The following DAPK2 variants were observed in gnomAD, a reference collection of about 807,000 sequenced individuals.
DAPK2 encodes the protein death-associated protein kinase 2.
Under a neutral mutation model 44.1 loss-of-function variants are expected in DAPK2, and 35 were observed. The ratio of observed to expected loss-of-function variants is 0.79; its 90% CI spans 0.61 to 1.05. The LOEUF is 1.05. Among genes scored for constraint, DAPK2 ranks in the 50% least tolerant of loss-of-function variants. DAPK2 has a pLI of 0.00. For missense variants in DAPK2, 453 were observed against 483.2 expected (o/e 0.94, Z 0.59); for synonymous variants, 174 against 182.6 (o/e 0.95, Z 0.38).
In DAPK2 at chr15:64,040,165, C is replaced by T; in HGVS notation, c.92+5G>A. ...CATCCCCCCACCTCTCACACAGTCT[C>T]CTACCTCCCCAGCTCCTCTCCGATG... On this transcript the variant is annotated splice_donor_5th_base_variant and intron_variant, in intron 1 of 10. Transcript: ENST00000261891. 1.2e-6 allele frequency: 2 copies of T among 1,612,886 alleles called. No individual in the cohort carries two copies. The highest frequency in any genetic ancestry group is 1.7e-6 in the Non-Finnish European group (2 of 1,178,946).
At chr15:63,995,999 T>A (rs1237834266) in intron 1 of DAPK2, among the ~76,000 whole-genome samples, 1 of 152,240 alleles carries the variant, frequency 6.6e-6, no homozygotes, top group East Asian at 1.9e-4. Flanking sequence ...ATGTCATCTA[T>A]CTTATTTCCT....
At chr15:63,947,929 G>T (rs900355962) in intron 3 of DAPK2, among the ~76,000 whole-genome samples, 1 of 152,010 alleles carries the variant, frequency 6.6e-6, no homozygotes, top group Non-Finnish European at 1.5e-5. Flanking sequence ...CTCTGTGAGT[G>T]AGTCTTGCCT....
intron 3 of DAPK2, among the ~76,000 whole-genome samples, chr15:63,952,378 A>G (rs966486505): frequency 6.6e-6 from 1 of 152,244 alleles, no homozygotes; most frequent in Non-Finnish European, 1.5e-5. Context: ...TTGAGTGATT[A>G]GCAGGAAATC....
chr15:63,927,391 C>A (rs991909464), intron 6 of DAPK2, among the ~76,000 whole-genome samples: 2 of 152,228 alleles, frequency 1.3e-5, no homozygotes, highest in South Asian at 4.1e-4. Flanking sequence ...CCCTCCTCCA[C>A]CCACAGAATT....
intron 3 of DAPK2, among the ~76,000 whole-genome samples, chr15:63,969,465 G>A (rs537908207): frequency 5.4e-4 from 82 of 151,794 alleles, no homozygotes; most frequent in African/African-American, 1.8e-3. Context: ...ATGGCCAGAC[G>A]CAGTGGCTCA....
chr15:63,969,847 G>A (rs964051211), intron 3 of DAPK2, among the ~76,000 whole-genome samples: 1 of 152,140 alleles, frequency 6.6e-6, no homozygotes, highest in Non-Finnish European at 1.5e-5. Context: ...CTGGGGTAGG[G>A]ACTCATATGG....
chr15:63,960,557 T>C (rs2077867410), intron 3 of DAPK2, among the ~76,000 whole-genome samples: 1 of 152,270 alleles, frequency 6.6e-6, no homozygotes, highest in Non-Finnish European at 1.5e-5. Context: ...TGTGTCTTTG[T>C]TCTCATTGGT....
rs1406249490 is a variant in DAPK2 at position 63,923,020 on chromosome 15, C to A, written c.858+1796G>T. 1.3e-6 allele frequency: 2 copies of A among 1,535,758 alleles called. No homozygotes were observed. Among genetic ancestry groups the A allele is most frequent in the Admixed American group, 2.0e-5 (1 of 50,970 alleles). ...GCAGCAGCTTCTTCAATGACTCCAC[C>A]TTGCGGAACTCATACCTGAGCTGGG... On this transcript the variant is annotated intron_variant, in intron 8 of 10. Transcript: ENST00000261891. The surrounding 1 kb of genome is among the most constrained non-coding windows in gnomAD (Gnocchi z 4.2).
rs1313020174 is a variant in DAPK2, at chr15:63,990,496, G to A, written c.93-6742C>T. Among the ~76,000 whole-genome samples, 1 of 152,056 alleles carries A rather than the reference G, an allele frequency of 6.6e-6. No individual in the cohort carries two copies. The highest frequency in any genetic ancestry group is 2.4e-5 in the African/African-American group (1 of 41,390). On this transcript the variant is annotated intron_variant, in intron 1 of 10. Coordinates refer to ENST00000261891, the Ensembl canonical transcript of DAPK2. The surrounding 1 kb of genome is among the most constrained non-coding windows in gnomAD (Gnocchi z 4.3). The stretch of plus-strand genomic sequence containing the variant: ...ATTCCCTCTCTTAGTCGACTCTAAA[G>A]TGTCCAAAGATTGAGTGATGTACCC...
chr15:63,994,119 C>T (rs537406300), intron 1 of DAPK2, among the ~76,000 whole-genome samples: 14 of 152,260 alleles, frequency 9.2e-5, no homozygotes, highest in African/African-American at 3.1e-4. Flanking sequence ...TAAGAAATGA[C>T]CTGGGCATTC....
At chr15:63,907,860 C>G (rs1441473187) in exon 11 of DAPK2, 2 of 152,390 alleles carry the variant, frequency 1.3e-5, no homozygotes, top group East Asian at 3.8e-4. Flanking sequence ...TGCCCCCCCT[C>G]AGAGTTACAG....
At chr15:63,997,798 G>T (rs112944847) in intron 1 of DAPK2, among the ~76,000 whole-genome samples, 1 of 152,158 alleles carries the variant, frequency 6.6e-6, no homozygotes, top group Non-Finnish European at 1.5e-5. Context: ...TGCTCTGAGG[G>T]CACGGAGGTC....
chr15:64,037,216 G>C (rs995727686), intron 1 of DAPK2, among the ~76,000 whole-genome samples: 26 of 152,238 alleles, frequency 1.7e-4, no homozygotes, highest in African/African-American at 6.3e-4. Context: ...CCAGCCTCAT[G>C]TAACGCTGCT....
chr15:63,945,293 G>A (rs918383378), intron 3 of DAPK2, among the ~76,000 whole-genome samples: 1 of 152,338 alleles, frequency 6.6e-6, no homozygotes, highest in Admixed American at 6.5e-5. Flanking sequence ...ACTTTCCTGG[G>A]TGGCAGCCTT....
intron 1 of DAPK2, among the ~76,000 whole-genome samples, chr15:63,986,324 G>A (rs564982190): frequency 1.3e-5 from 2 of 152,326 alleles, no homozygotes; most frequent in East Asian, 1.9e-4. Flanking sequence ...ATGTTGGCCC[G>A]TGGTACTCAA....
intron 8 of DAPK2, chr15:63,918,192 G>C (rs1054674147): frequency 6.6e-6 from 1 of 152,362 alleles, no homozygotes; most frequent in Non-Finnish European, 1.5e-5. Flanking sequence ...CCTGTGCTGC[G>C]TGATGGAGTG....
intron 1 of DAPK2, among the ~76,000 whole-genome samples, chr15:63,989,233 G>A (rs2078751946): frequency 6.7e-6 from 1 of 149,164 alleles, no homozygotes; most frequent in Admixed American, 6.7e-5. Context: ...GGCACAACCT[G>A]CAGTCCCAGC....
chr15:64,001,736 T>C (rs58716238), intron 1 of DAPK2, among the ~76,000 whole-genome samples: 6,553 of 152,252 alleles, frequency 0.043, 480 homozygotes, highest in African/African-American at 0.15. Context: ...AATCTTAGAT[T>C]TCATCTCAGC....
intron 1 of DAPK2, among the ~76,000 whole-genome samples, chr15:64,017,814 G>A (rs1595896677): frequency 6.6e-6 from 1 of 152,194 alleles, no homozygotes; most frequent in Non-Finnish European, 1.5e-5. Context: ...GTGTTGAAAA[G>A]CAGCCACACT....
Sources: allele counts gnomAD v4.1 joint callset (sites outside exome capture counted in the v4.1 genomes callset), GRCh38; gene constraint gnomAD v4.1.1; non-coding constraint Gnocchi (gnomAD v3.1); transcripts MANE v1.5; gene names NCBI Gene and HGNC (gene_info 2026-07-23, HGNC 2026-07-21).